Variants in UXS1 observed in about 807,000 individuals in gnomAD.
UXS1 encodes UDP-glucuronic acid decarboxylase 1.
A neutral mutation model predicts 62.6 loss-of-function variants in UXS1; 33 were observed. The ratio of observed to expected loss-of-function variants is 0.53; its 90% CI spans 0.40 to 0.70. The LOEUF (loss-of-function observed/expected upper bound fraction) is 0.70, where lower values mean the gene tolerates loss of function less well. UXS1 is among the 30% of genes least tolerant of loss of function. The pLI is 0.00. For synonymous variants in UXS1, 213 were observed against 206.8 expected (o/e 1.03, Z -0.26); for missense variants, 434 against 556.3 (o/e 0.78, Z 2.21).
At chr2:106,117,526 G>A (rs971864845) in intron 9 of UXS1, among the ~76,000 whole-genome samples, 1 of 142,786 alleles carries the variant, frequency 7.0e-6, no homozygotes, top group Non-Finnish European at 1.5e-5. Context: ...TCAAGCCACC[G>A]AACACTGTAA....
chr2:106,096,864 G>C, intron 13 of UXS1, 43 bp from the exon 14 acceptor site: 1 of 1,532,444 alleles, frequency 6.5e-7, no homozygotes, highest in South Asian at 1.2e-5. Context: ...GAATCACAAA[G>C]CATGGGTAAG....
At chr2:106,116,269 C>T (rs114013708) in intron 9 of UXS1, among the ~76,000 whole-genome samples, 1 of 152,320 alleles carries the variant, frequency 6.6e-6, no homozygotes, top group Non-Finnish European at 1.5e-5. Flanking sequence ...GACTCCATTT[C>T]ACATTTCAAA....
chr2:106,154,418 G>A (rs1452658884), intron 5 of UXS1, among the ~76,000 whole-genome samples: 1 of 152,196 alleles, frequency 6.6e-6, no homozygotes, highest in Non-Finnish European at 1.5e-5. Context: ...ATTTAGTTAA[G>A]ATAAGGTTAT....
chr2:106,146,460 G>C (rs1245238706), intron 5 of UXS1, among the ~76,000 whole-genome samples: 3 of 152,194 alleles, frequency 2.0e-5, no homozygotes, highest in Non-Finnish European at 4.4e-5. Flanking sequence ...ACACGATGAA[G>C]TATTCACCAC....
chr2:106,155,958 A>T (rs1017756943), intron 5 of UXS1, among the ~76,000 whole-genome samples: 1 of 152,190 alleles, frequency 6.6e-6, no homozygotes, highest in Non-Finnish European at 1.5e-5. Flanking sequence ...TCTTAGGAAA[A>T]AAACATGGTA....
At chr2:106,094,839 G>A (rs1676945329) in intron 14 of UXS1, among the ~76,000 whole-genome samples, 1 of 152,234 alleles carries the variant, frequency 6.6e-6, no homozygotes, top group African/African-American at 2.4e-5. Context: ...ACCACTGGGG[G>A]AGAAGGTCTG....
intron 6 of UXS1, among the ~76,000 whole-genome samples, chr2:106,141,683 A>G (rs1024245771): frequency 2.0e-5 from 3 of 152,086 alleles, no homozygotes; most frequent in African/African-American, 7.2e-5. Flanking sequence ...TCCTAGGCTC[A>G]AGCGATCTGC....
chr2:106,178,971 T>A (rs1260512014), intron 1 of UXS1, among the ~76,000 whole-genome samples: 1 of 152,186 alleles, frequency 6.6e-6, no homozygotes, highest in African/African-American at 2.4e-5. Flanking sequence ...TGATAAAGCT[T>A]GCTCAGCACC....
chr2:106,147,057 C>T (rs2105004089), intron 5 of UXS1, among the ~76,000 whole-genome samples: 1 of 151,972 alleles, frequency 6.6e-6, no homozygotes, highest in East Asian at 2.0e-4. Context: ...ACAAGAATCA[C>T]TTGAACCTAG....
chr2:106,114,371 T>C (rs1318737062), intron 9 of UXS1, among the ~76,000 whole-genome samples: 1 of 152,068 alleles, frequency 6.6e-6, no homozygotes, highest in Non-Finnish European at 1.5e-5. Flanking sequence ...TCAACCCTTT[T>C]CTCCACCGAA....
intron 6 of UXS1, chr2:106,138,939 G>A (rs1238894380): frequency 2.1e-6 from 2 of 951,688 alleles, no homozygotes; most frequent in African/African-American, 3.5e-5. Flanking sequence ...AATTCTGAAG[G>A]GGAGAGAAGA....
intron 2 of UXS1, among the ~76,000 whole-genome samples, chr2:106,165,567 C>T (rs958530438): frequency 1.3e-5 from 2 of 151,976 alleles, no homozygotes; most frequent in East Asian, 1.9e-4. Context: ...TTTATTTTTA[C>T]AAGAGTGCCT....
chr2:106,102,263 A>G (rs569493854), intron 11 of UXS1: 77 of 152,338 alleles, frequency 5.1e-4, no homozygotes, highest in African/African-American at 1.8e-3. Flanking sequence ...CTACATTACA[A>G]TAGTGCACTC....
Position 106,101,132 on chromosome 2 carries a change from G to A in UXS1, c.924-14C>T. The A allele has an allele frequency of 6.2e-7, 1 of 1,613,754 alleles. No individual in the cohort carries two copies. Among genetic ancestry groups the A allele is most frequent in the Non-Finnish European group, 8.5e-7 (1 of 1,179,808 alleles). ...TTCACTAGATCGCTGGAAAAAAAGG[G>A]GAGGCAGGTGAGGCTCTGCCTGCTG... On this transcript the variant is annotated splice_polypyrimidine_tract_variant and intron_variant, in intron 11 of 14. Transcript: ENST00000283148.
intron 7 of UXS1, among the ~76,000 whole-genome samples, chr2:106,126,549 G>A (rs150201954): frequency 6.6e-6 from 1 of 152,290 alleles, no homozygotes; most frequent in Non-Finnish European, 1.5e-5. Context: ...GCGCTTCTGG[G>A]TGAGGCTGGG....
chr2:106,155,059 C>T (rs1682329160), intron 5 of UXS1, among the ~76,000 whole-genome samples: 1 of 152,086 alleles, frequency 6.6e-6, no homozygotes, highest in Non-Finnish European at 1.5e-5. Flanking sequence ...TCTTTTTTAA[C>T]AATCAGGTCT....
Position 106,158,074 on chromosome 2 carries a change from T to C in UXS1, c.275A>G (p.Asp92Gly). The C allele has an allele frequency of 6.4e-7, 1 of 1,566,754 alleles. No individual in the cohort carries two copies. Among genetic ancestry groups the C allele is most frequent in the Non-Finnish European group, 8.7e-7 (1 of 1,154,380 alleles). Reference protein sequence around the residue: ...YPPVKFLSEKDRKRILITGGA... With the variant: ...YPPVKFLSEKGRKRILITGGA... Reference sequence around the variant, plus strand: ...CAAACTTACCAAAATTCTTTTCCGATCCTTTTCTGATAAAAACTTTACTGG... The same window carrying C: ...CAAACTTACCAAAATTCTTTTCCGACCCTTTTCTGATAAAAACTTTACTGG... The change falls in exon 5 of 15, where the codon GAT becomes GGT. Residue 92 changes from aspartate (D) to glycine (G), a missense_variant. This residue lies in a region of UXS1 where 134 missense variants were observed against 251.9 expected (regional missense o/e 0.53). Coordinates refer to ENST00000283148, the MANE Select transcript of UXS1 (RefSeq NM_001253875.2).
In UXS1 at chr2:106,098,706, T is replaced by C. The variant is rs1173895389; in HGVS notation, c.1042+10A>G. The C allele has an allele frequency of 1.2e-6, 2 of 1,606,022 alleles. No homozygotes were observed. Among genetic ancestry groups the C allele is most frequent in the East Asian group, 2.2e-5 (1 of 44,828 alleles). On this transcript the variant is annotated intron_variant, in intron 13 of 14. Transcript: ENST00000283148. ...TCGATTTTACTCAGGAAATGACTTA[T>C]CCTACTTACCAACAAGGTTTTTAAT...
chr2:106,097,010 T>C (rs1434294584), intron 13 of UXS1, 189 bp from the exon 14 acceptor site: 8 of 702,924 alleles, frequency 1.1e-5, no homozygotes, highest in Middle Eastern at 2.3e-4. Context: ...GGAGTGCTCC[T>C]GCAACTGCTG....
Sources: allele counts gnomAD v4.1 joint callset (sites outside exome capture counted in the v4.1 genomes callset), GRCh38; gene constraint gnomAD v4.1.1; regional missense constraint gnomAD v4.1.1; transcripts MANE v1.5; gene names NCBI Gene and HGNC (gene_info 2026-07-23, HGNC 2026-07-21).